The following PTCHD4 variants were observed in gnomAD, a reference collection of about 807,000 sequenced individuals.
PTCHD4 encodes patched domain containing 4.
In PTCHD4, 33 loss-of-function variants were observed where a neutral mutation model predicts 58.1. The observed-to-expected ratio is 0.57, with a 90% confidence interval of 0.43 to 0.76. The LOEUF (loss-of-function observed/expected upper bound fraction) is 0.76, where lower values mean the gene tolerates loss of function less well. PTCHD4 is among the 30% of genes least tolerant of loss of function. The pLI is 0.00. For missense variants in PTCHD4, 1,058 were observed against 1,027.1 expected, an observed-to-expected ratio of 1.03 and a Z score of -0.41; for synonymous variants, 478 against 409.6, an observed-to-expected ratio of 1.17 and a Z score of -2.02.
At chr6:47,982,289 G>A (rs1198719702) in intron 4 of PTCHD4, among the ~76,000 whole-genome samples, 1 of 152,020 alleles carries the variant, frequency 6.6e-6, no homozygotes, top group South Asian at 2.1e-4. Flanking sequence ...CTGATATCAA[G>A]TCCCATCTCC....
intron 3 of PTCHD4, among the ~76,000 whole-genome samples, chr6:48,030,831 T>C (rs924053337): frequency 6.6e-6 from 1 of 152,152 alleles, no homozygotes; most frequent in African/African-American, 2.4e-5. Context: ...TTCTAACTAT[T>C]AATCTTTGTT....
intron 3 of PTCHD4, among the ~76,000 whole-genome samples, chr6:48,028,259 TG>T (rs1166000286): frequency 6.9e-6 from 1 of 145,200 alleles, no homozygotes; most frequent in African/African-American, 2.5e-5. Context: ...GTTTCTCTTT[TG>T]TTTTTTTTGA....
intron 1 of PTCHD4, among the ~76,000 whole-genome samples, chr6:48,074,415 GCAGA>G (rs1765025289): frequency 6.6e-6 from 1 of 152,192 alleles, no homozygotes; most frequent in Non-Finnish European, 1.5e-5. Context: ...GGCAACACAC[GCAGA>G]CAGACAAGAT....
intron 4 of PTCHD4, among the ~76,000 whole-genome samples, chr6:47,888,288 C>A (rs764860129): frequency 6.6e-6 from 1 of 152,066 alleles, no homozygotes; most frequent in African/African-American, 2.4e-5. Flanking sequence ...ACCCGAGAGG[C>A]GGAGCTTGCA....
chr6:47,994,864 A>C (rs937068716), intron 4 of PTCHD4, among the ~76,000 whole-genome samples: 3 of 152,218 alleles, frequency 2.0e-5, no homozygotes, highest in Non-Finnish European at 2.9e-5. Flanking sequence ...CTTCTGCTTT[A>C]GGATTTTCAT....
chr6:47,901,173 T>A (rs1366804433), intron 4 of PTCHD4: 66 of 146,170 alleles, frequency 4.5e-4, no homozygotes, highest in East Asian at 3.5e-3. Flanking sequence ...AAAAAAAAAA[T>A]AATAAAATAA....
intron 3 of PTCHD4, among the ~76,000 whole-genome samples, chr6:48,045,332 A>G (rs1379084542): frequency 6.6e-6 from 1 of 151,842 alleles, no homozygotes; most frequent in Non-Finnish European, 1.5e-5. Context: ...AGCAGAGGTG[A>G]GAAATAGAGT....
intron 4 of PTCHD4, chr6:47,890,837 T>C (rs573507505): frequency 7.7e-5 from 73 of 949,000 alleles, no homozygotes; most frequent in Non-Finnish European, 9.0e-5. Context: ...CTGCTCTCTC[T>C]CTTTCCCTGC....
intron 3 of PTCHD4, among the ~76,000 whole-genome samples, chr6:48,031,478 CT>C (rs1406993477): frequency 6.6e-6 from 1 of 152,050 alleles, no homozygotes; most frequent in Non-Finnish European, 1.5e-5. Context: ...TAATTACTTT[CT>C]TTAACAAGTG....
At chr6:48,105,453 C>T (rs1420318262) in intron 1 of PTCHD4, among the ~76,000 whole-genome samples, 1 of 152,066 alleles carries the variant, frequency 6.6e-6, no homozygotes, top group African/African-American at 2.4e-5. Flanking sequence ...AAAAACAGTG[C>T]ATAGAGGGAA....
intron 3 of PTCHD4, among the ~76,000 whole-genome samples, chr6:48,046,161 C>T (rs957372297): frequency 4.6e-5 from 7 of 151,916 alleles, no homozygotes; most frequent in South Asian, 2.1e-4. Flanking sequence ...TATCTCTGAA[C>T]GAGTTTACTT....
Position 48,084,723 on chromosome 6 carries a change from T to C in PTCHD4, c.-969-14797A>G, listed in dbSNP as rs1000334262. Among the ~76,000 whole-genome samples, 5 of 151,802 alleles carry C rather than the reference T, an allele frequency of 3.3e-5. No individual in the cohort carries two copies. The South Asian group carries it at 1.0e-3, about 32-fold the overall frequency. On this transcript the variant is annotated intron_variant, in intron 1 of 4. Transcript: ENST00000339488. ...ACAGTGATTGAGAGTACTTTTCTTTTTTTCTTTCTTTCTTTTTTTTTTTTT... is the reference window on the plus strand; with the variant it reads ...ACAGTGATTGAGAGTACTTTTCTTTCTTTCTTTCTTTCTTTTTTTTTTTTT...
At chr6:47,989,700 C>T (rs1021852295) in intron 4 of PTCHD4, among the ~76,000 whole-genome samples, 11 of 152,294 alleles carry the variant, frequency 7.2e-5, no homozygotes, top group Middle Eastern at 3.4e-3. Flanking sequence ...GACTAGGTTT[C>T]GGAAGATGTA....
At chr6:47,987,671 G>A (rs1477390265) in intron 4 of PTCHD4, among the ~76,000 whole-genome samples, 2 of 152,218 alleles carry the variant, frequency 1.3e-5, no homozygotes, top group East Asian at 3.9e-4. Flanking sequence ...AAGATGAGAA[G>A]TCTTATTGAG....
chr6:47,981,207 A>G (rs759579254), intron 4 of PTCHD4, among the ~76,000 whole-genome samples: 26 of 151,970 alleles, frequency 1.7e-4, no homozygotes, highest in Non-Finnish European at 3.4e-4. Context: ...CATCTTAATC[A>G]TCTCTTCTCT....
At chr6:48,104,771 C>T (rs988089458) in intron 1 of PTCHD4, among the ~76,000 whole-genome samples, 12 of 151,152 alleles carry the variant, frequency 7.9e-5, no homozygotes, top group South Asian at 2.1e-4. Flanking sequence ...ACCAAGCAAA[C>T]GGAAAAGAAA....
rs1030870303 is a variant in PTCHD4, at chr6:47,861,539, T to G, written c.*16764A>C. ...TCCTTGCCTTCCTATCTTACCATTT[T>G]GTCCAAAACACATCTAGTACTCATT... On this transcript the variant is annotated 3_prime_UTR_variant, in exon 5 of 5. Transcript: ENST00000339488. Among the ~76,000 whole-genome samples the G allele has an allele frequency of 2.0e-5, 3 of 151,976 alleles. No individual in the cohort carries two copies. Among genetic ancestry groups the G allele is most frequent in the Non-Finnish European group, 2.9e-5 (2 of 67,924 alleles).
chr6:47,967,746 A>G (rs1767347939), intron 4 of PTCHD4, among the ~76,000 whole-genome samples: 2 of 152,120 alleles, frequency 1.3e-5, no homozygotes, highest in Non-Finnish European at 2.9e-5. Flanking sequence ...TTCTCTCCCT[A>G]AACTTCATGA....
At chr6:47,956,136 T>G (rs1766850520) in intron 4 of PTCHD4, among the ~76,000 whole-genome samples, 1 of 152,194 alleles carries the variant, frequency 6.6e-6, no homozygotes, top group Non-Finnish European at 1.5e-5. Flanking sequence ...TTCTTTTCAT[T>G]GAGAGATATT....
Sources: allele counts gnomAD v4.1 joint callset (sites outside exome capture counted in the v4.1 genomes callset), GRCh38; gene constraint gnomAD v4.1.1; transcripts MANE v1.5; gene names NCBI Gene and HGNC (gene_info 2026-07-23, HGNC 2026-07-21).